The following GSN variants were observed in gnomAD, a reference collection of about 807,000 sequenced individuals.
GSN encodes the protein gelsolin, also known as actin-depolymerizing factor.
Under a neutral mutation model 85.7 loss-of-function variants are expected in GSN, and 56 were observed. The observed-to-expected ratio is 0.65, with a 90% CI of 0.53 to 0.82. The LOEUF (loss-of-function observed/expected upper bound fraction) is 0.82, where lower values mean the gene tolerates loss of function less well. GSN is among the 40% of genes least tolerant of loss of function. The pLI, the probability that GSN is intolerant of heterozygous loss-of-function variation, is 0.00. For synonymous variants in GSN, 373 were observed against 399.1 expected (o/e 0.93, Z 0.78); for missense variants, 857 against 979.8 (o/e 0.87, Z 1.67).
At chr9:121,301,648 A>T (rs1264108155) in intron 2 of GSN, among the ~76,000 whole-genome samples, 1 of 151,886 alleles carries the variant, frequency 6.6e-6, no homozygotes, top group Non-Finnish European at 1.5e-5. Flanking sequence ...AAAAAAAGAA[A>T]AAAAGAAAGA....
At chr9:121,300,771 G>A (rs1362107689) in intron 2 of GSN, among the ~76,000 whole-genome samples, 1 of 152,156 alleles carries the variant, frequency 6.6e-6, no homozygotes, top group Non-Finnish European at 1.5e-5. Context: ...TTTGGGGGTG[G>A]TGTGTTGTGG....
chr9:121,293,887 C>G (rs1214370263), intron 2 of GSN, among the ~76,000 whole-genome samples: 2 of 152,120 alleles, frequency 1.3e-5, no homozygotes, highest in Non-Finnish European at 2.9e-5. Context: ...ATTCACACAA[C>G]TACCCTAGGA....
intron 6 of GSN, among the ~76,000 whole-genome samples, chr9:121,255,045 T>G (rs1031449423): frequency 6.6e-6 from 1 of 151,858 alleles, no homozygotes; most frequent in Non-Finnish European, 1.5e-5. Flanking sequence ...GCCCCCTGGG[T>G]TCACACCATT....
Position 121,332,298 on chromosome 9 carries a change from G to T in GSN, c.2027-136G>T. ...GCCTTTAAAGGAGGATGGTGCCCAG[G>T]GCAGGGGGTGGGCAGTAGGGACAGT... is the stretch of plus-strand genomic sequence containing the variant. On this transcript the variant is annotated intron_variant, in intron 17 of 17. Coordinates refer to ENST00000432226, the MANE Select transcript of GSN (RefSeq NM_198252.3). This position sits in a 1 kb window ranked among gnomAD's most constrained non-coding sequence, Gnocchi z 4.8. 1 of 828,768 alleles carries T rather than the reference G, an allele frequency of 1.2e-6. No individual in the cohort carries two copies. The highest frequency in any genetic ancestry group is 2.1e-6 in the Non-Finnish European group (1 of 475,680). 51.3% of individuals were successfully genotyped at this position (828,768 alleles called of 1,614,324 possible). A position where few individuals can be genotyped will look rare whatever the true frequency, so the allele number is the denominator to read the frequency against.
chr9:121,269,033 C>G (rs73660426), intron 1 of GSN, among the ~76,000 whole-genome samples: 343 of 152,272 alleles, frequency 2.3e-3, no homozygotes, highest in African/African-American at 8.0e-3. Context: ...CCTTGTCTGC[C>G]CAGACATCTG....
intron 1 of GSN, among the ~76,000 whole-genome samples, chr9:121,272,130 C>G (rs2056068341): frequency 6.6e-6 from 1 of 152,220 alleles, no homozygotes; most frequent in Non-Finnish European, 1.5e-5. Flanking sequence ...TGTCATATTT[C>G]AGCCTGATGT....
At position 121,328,978 on chromosome 9, in the gene GSN, G is replaced by A. The variant is rs9696578; in HGVS notation, c.1850G>A (p.Arg617His). The change falls in exon 15 of 18, where the codon CGC (arginine) becomes CAC (histidine). Residue 617 changes from arginine to histidine, a missense_variant. Arg to His is a conservative substitution (Grantham distance 29). Coordinates refer to ENST00000432226, the MANE Select transcript of GSN (RefSeq NM_198252.3). Reference protein sequence around the residue: ...KDKKMDAHPPRLFACSNKIGR... With the variant: ...KDKKMDAHPPHLFACSNKIGR... ...AAGAAGATGGATGCCCATCCTCCTC[G>A]CCTCTTTGCCTGCTCCAACAAGATT... The A allele has an allele frequency of 1.1e-5, 17 of 1,613,898 alleles. No homozygotes were observed. The Middle Eastern group carries it at 4.9e-4, about 47-fold the overall frequency.
intron 2 of GSN, chr9:121,286,766 G>C (rs747992085): frequency 1.1e-4 from 166 of 1,534,458 alleles, no homozygotes; most frequent in Non-Finnish European, 1.3e-4. Flanking sequence ...TGTACAGTAG[G>C]TATTTTTTAA....
rs138341672 is a variant in GSN at position 121,326,515 on chromosome 9, C to A, written c.1420C>A (p.Arg474Ser). Residue 474 changes from arginine to serine, a missense_variant, in exon 13 of 18, where the codon CGT becomes AGT. Transcript: ENST00000432226. ...TGCTCTCCTGTCTCCCTGCCAGAGC[C>A]GTGTGGTCCAAGGCAAGGAGCCCGC... ...EELGGTPVQS[R>S]VVQGKEPAHL... The A allele has an allele frequency of 6.2e-7, 1 of 1,613,588 alleles. No individual in the cohort carries two copies. The highest frequency in any genetic ancestry group is 1.3e-5 in the African/African-American group (1 of 74,920).
chr9:121,237,458 G>A (rs774482838), intron 5 of GSN, among the ~76,000 whole-genome samples: 1 of 152,162 alleles, frequency 6.6e-6, no homozygotes, highest in Non-Finnish European at 1.5e-5. Flanking sequence ...CCAGCTACTT[G>A]GGAGACTGAA....
chr9:121,204,545 G>T (rs1250877909), upstream of GSN, among the ~76,000 whole-genome samples: 1 of 152,224 alleles, frequency 6.6e-6, no homozygotes, highest in Non-Finnish European at 1.5e-5. Flanking sequence ...TTTTCAAAGT[G>T]AGGAGAGTGT....
At chr9:121,259,052 C>A (rs1287771689) in intron 6 of GSN, among the ~76,000 whole-genome samples, 1 of 152,174 alleles carries the variant, frequency 6.6e-6, no homozygotes, top group Non-Finnish European at 1.5e-5. Context: ...GTAAGTATAC[C>A]ACAGTGTGAT....
chr9:121,228,420 ATATATTTTTTT>A (rs1221302052), intron 4 of GSN, among the ~76,000 whole-genome samples: 10 of 56,976 alleles, frequency 1.8e-4, no homozygotes, highest in African/African-American at 9.7e-4. Flanking sequence ...ATATATATAT[ATATATTTTTTT>A]TTTTTTTTTT....
In GSN at chr9:121,317,336, A is replaced by T. The variant is rs115292620; in HGVS notation, c.886+118A>T. ...GAGTGTGCCTGGTGCAATGGAAATC[A>T]GAAGTCTTGGGCTGAGGCCTTGGTT... On this transcript the variant is annotated intron_variant, in intron 8 of 17. Transcript: ENST00000432226. The T allele has an allele frequency of 2.9e-5, 34 of 1,165,768 alleles. 1 individual carries two copies. In the African/African-American group the frequency reaches 4.8e-4, roughly 16 times the overall value. The allele number at this position is 1,165,768 out of a possible 1,614,324, so 72.2% of individuals were successfully genotyped here. A position where few individuals can be genotyped will look rare whatever the true frequency, so the allele number is the denominator to read the frequency against.
chr9:121,250,886 TGTG>T (rs2054814527), intron 6 of GSN, among the ~76,000 whole-genome samples: 1 of 148,826 alleles, frequency 6.7e-6, no homozygotes, highest in African/African-American at 2.5e-5. Flanking sequence ...TGTGTGTGTG[TGTG>T]TGTGTGTGTG....
intron 4 of GSN, among the ~76,000 whole-genome samples, chr9:121,222,603 A>AT (rs1182601735): frequency 1.3e-5 from 2 of 152,168 alleles, no homozygotes; most frequent in Non-Finnish European, 2.9e-5. Context: ...GGCAAGGATA[A>AT]TTTGCATTAC....
At chr9:121,247,168 C>T (rs892160187) in intron 5 of GSN, among the ~76,000 whole-genome samples, 1 of 152,170 alleles carries the variant, frequency 6.6e-6, no homozygotes, top group African/African-American at 2.4e-5. Flanking sequence ...CCGGCTGCCC[C>T]AGGGTGCTCA....
Position 121,318,357 on chromosome 9 carries a change from C to A in GSN, c.887-49C>A. 7.1e-7 allele frequency: 1 copy of A among 1,409,132 alleles called. No individual in the cohort carries two copies. Among genetic ancestry groups the A allele is most frequent in the Non-Finnish European group, 1.0e-6 (1 of 992,790 alleles). 87.3% of individuals were successfully genotyped at this position (1,409,132 alleles called of 1,614,324 possible). A position where few individuals can be genotyped will look rare whatever the true frequency, so the allele number is the denominator to read the frequency against. Reference sequence around the variant, plus strand: ...TGGACTGTTAAAGGTCAGGATGCAGCAGGATCCCGGGCCTCTAACCCTCCA... The same window carrying A: ...TGGACTGTTAAAGGTCAGGATGCAGAAGGATCCCGGGCCTCTAACCCTCCA... On this transcript the variant is annotated intron_variant, in intron 8 of 17. Coordinates refer to ENST00000432226, the MANE Select transcript of GSN (RefSeq NM_198252.3). This position sits in a 1 kb window ranked among gnomAD's most constrained non-coding sequence, Gnocchi z 4.3.
At chr9:121,263,950 G>A (rs1044798841), upstream of GSN, among the ~76,000 whole-genome samples, 1 of 151,466 alleles carries the variant, frequency 6.6e-6, no homozygotes, top group African/African-American at 2.4e-5. Context: ...AACGGCATGG[G>A]GGAAACTGCC....
Sources: gnomAD v4.1 joint callset for allele counts (sites outside exome capture counted in the v4.1 genomes callset) on GRCh38, gnomAD v4.1.1 for gene constraint, Gnocchi (gnomAD v3.1) non-coding constraint, MANE v1.5 for transcripts, NCBI Gene and HGNC (gene_info 2026-07-23, HGNC 2026-07-21) for gene names.